Variants in ITPA observed in about 807,000 individuals in gnomAD.
The protein encoded by ITPA is inosine triphosphate pyrophosphatase.
In ITPA, 29 loss-of-function variants were observed where a neutral mutation model predicts 29.6. The observed-to-expected ratio is 0.98, with a 90% confidence interval of 0.73 to 1.34. The LOEUF (loss-of-function observed/expected upper bound fraction) is 1.34, where lower values mean the gene tolerates loss of function less well. Ranked by LOEUF, ITPA falls within the 40% of genes most tolerant of loss-of-function variation. ITPA has a pLI of 0.00. For missense variants in ITPA, 241 were observed against 251.5 expected (o/e 0.96, Z 0.28); for synonymous variants, 103 against 99.3 (o/e 1.04, Z -0.22).
chr20:3,227,185 C>A (rs1221244387), downstream of ITPA, among the ~76,000 whole-genome samples: 1 of 152,252 alleles, frequency 6.6e-6, no homozygotes, highest in Non-Finnish European at 1.5e-5. Context: ...GACCCTTGCA[C>A]ATGCTGTTCC....
chr20:3,209,507 C>A lies in ITPA; in HGVS notation c.-45C>A, dbSNP rs1463905316. The stretch of plus-strand genomic sequence containing the variant: ...CAGCCGGAAGTTTTCTGTCACTGGA[C>A]GCCAAGGAGTTTTCGGTGGCTCAGC... On this transcript the variant is annotated 5_prime_UTR_variant, in exon 1 of 8. Transcript: ENST00000380113. The surrounding 1 kb of genome is among the most constrained non-coding windows in gnomAD (Gnocchi z 4.6). The A allele has an allele frequency of 6.4e-7, 1 of 1,571,868 alleles. No individual in the cohort carries two copies. Among genetic ancestry groups the A allele is most frequent in the Non-Finnish European group, 8.8e-7 (1 of 1,142,264 alleles).
chr20:3,211,209 A>G (rs1425396431), intron 1 of ITPA, among the ~76,000 whole-genome samples: 1 of 146,146 alleles, frequency 6.8e-6, no homozygotes, highest in Non-Finnish European at 1.5e-5. Flanking sequence ...TCTGTCGCCC[A>G]GGCTGGAGTG....
upstream of ITPA, chr20:3,209,328 G>A: frequency 1.6e-6 from 1 of 625,690 alleles, no homozygotes; most frequent in South Asian, 1.7e-5. This position sits in a 1 kb window ranked among gnomAD's most constrained non-coding sequence, Gnocchi z 4.6. Flanking sequence ...GGAGGGGTGG[G>A]TCACTCAGTC....
intron 6 of ITPA, among the ~76,000 whole-genome samples, chr20:3,221,552 G>A (rs1445340607): frequency 6.9e-6 from 1 of 145,768 alleles, no homozygotes; most frequent in Non-Finnish European, 1.5e-5. Flanking sequence ...GTTCTTCAGT[G>A]ATGTCCCAAT....
chr20:3,218,852 C>G (rs1174901361), intron 6 of ITPA: 101 of 607,102 alleles, frequency 1.7e-4, no homozygotes, highest in Non-Finnish European at 1.9e-4. Context: ...TAGTTGCCTA[C>G]GCCTTGCTGA....
upstream of ITPA, chr20:3,204,689 C>G: frequency 2.0e-6 from 3 of 1,488,592 alleles, no homozygotes; most frequent in Non-Finnish European, 2.7e-6. Flanking sequence ...ATAGGCCCCG[C>G]CCCTATTTCC....
Position 3,221,847 on chromosome 20 carries a change from A to T in ITPA, c.418A>T (p.Ile140Phe), listed in dbSNP as rs1238284373. 6.2e-7 allele frequency: 1 copy of T among 1,613,852 alleles called. No homozygotes were observed. The highest frequency in any genetic ancestry group is 8.5e-7 in the Non-Finnish European group (1 of 1,180,014). The change falls in exon 7 of 8, where the codon ATC becomes TTC. Residue 140 changes from isoleucine to phenylalanine, a missense_variant. Transcript: ENST00000380113. Reference protein sequence around the residue: ...RLFRGRTSGRIVAPRGCQDFG... With the variant: ...RLFRGRTSGRFVAPRGCQDFG... ...CCCCCCTTTCCTGTGGCAGGGCCGG[A>T]TCGTGGCACCCAGAGGCTGCCAGGA...
downstream of ITPA, among the ~76,000 whole-genome samples, chr20:3,224,235 G>A (rs1279632005): frequency 6.6e-6 from 1 of 152,224 alleles, no homozygotes; most frequent in Non-Finnish European, 1.5e-5. Context: ...AGGGGCTGGA[G>A]TCCTCGACCC....
chr20:3,217,987 G>T (rs989266242), intron 5 of ITPA, among the ~76,000 whole-genome samples: 5 of 150,244 alleles, frequency 3.3e-5, no homozygotes, highest in Admixed American at 6.7e-5. Flanking sequence ...GCCCGATCTC[G>T]GCTCACTGCA....
At chr20:3,227,231 C>A (rs1247480200), downstream of ITPA, among the ~76,000 whole-genome samples, 1 of 152,198 alleles carries the variant, frequency 6.6e-6, no homozygotes, top group Admixed American at 6.5e-5. Flanking sequence ...GGAGAAATGG[C>A]CATGCGAAGG....
downstream of ITPA, among the ~76,000 whole-genome samples, chr20:3,225,871 A>G (rs1052586194): frequency 6.6e-6 from 1 of 152,222 alleles, no homozygotes; most frequent in Non-Finnish European, 1.5e-5. Flanking sequence ...TCTACTAAAA[A>G]TACAAAAATT....
At chr20:3,217,187 G>T (rs1175556167) in intron 5 of ITPA, among the ~76,000 whole-genome samples, 1 of 152,110 alleles carries the variant, frequency 6.6e-6, no homozygotes, top group Non-Finnish European at 1.5e-5. Context: ...ATCCTTATGT[G>T]CTTTTAAAAA....
rs770808787 is a variant in ITPA at position 3,213,354 on chromosome 20, A to G, written c.160A>G (p.Ile54Val). 4 of 1,613,970 alleles carry G rather than the reference A, an allele frequency of 2.5e-6. No individual in the cohort carries two copies. Among genetic ancestry groups the G allele is most frequent in the South Asian group, 1.1e-5 (1 of 91,090 alleles). The change falls in exon 3 of 8, where the codon ATA becomes GTA. Residue 54 changes from isoleucine (I) to valine (V), a missense_variant. Physicochemically the swap from Ile to Val is conservative, Grantham distance 29. Transcript: ENST00000380113. ...CCAGGGGGAGCCGGATGAGATTTCCATACAGAAATGTCAGGAGGCAGTTCG... is the reference window on the plus strand; with the variant it reads ...CCAGGGGGAGCCGGATGAGATTTCCGTACAGAAATGTCAGGAGGCAGTTCG... The part of the protein sequence containing the change: ...EYQGEPDEIS[I>V]QKCQEAVRQV...
chr20:3,214,456 T>A (rs2067247283), intron 4 of ITPA, among the ~76,000 whole-genome samples: 1 of 150,566 alleles, frequency 6.6e-6, no homozygotes, highest in Non-Finnish European at 1.5e-5. Context: ...AGTCTCCACC[T>A]GCCAGGCTCA....
chr20:3,211,782 G>A (rs1274051908), intron 1 of ITPA, among the ~76,000 whole-genome samples: 2 of 152,196 alleles, frequency 1.3e-5, no homozygotes, highest in Non-Finnish European at 1.5e-5. Context: ...GTGAGCCACC[G>A]TGCCTGGCCG....
Position 3,221,912 on chromosome 20 carries a change from G to A in ITPA, c.483G>A (p.Glu161=), listed in dbSNP as rs765436989. 3.1e-6 allele frequency: 5 copies of A among 1,613,716 alleles called. No individual in the cohort carries two copies. Among genetic ancestry groups the A allele is most frequent in the Non-Finnish European group, 1.7e-6 (2 of 1,179,990 alleles). The change falls in exon 7 of 8, where the codon GAG becomes GAA. Residue 161 remains glutamate (E), a synonymous_variant. Coordinates refer to ENST00000380113, the MANE Select transcript of ITPA (RefSeq NM_033453.4). Reference sequence around the variant, plus strand: ...CCTGCTTTCAGCCTGATGGATATGAGCAGACGTAAGGAGCCCTGCTTTTCT... The same window carrying A: ...CCTGCTTTCAGCCTGATGGATATGAACAGACGTAAGGAGCCCTGCTTTTCT... ...WDPCFQPDGY[E]QTYAEMPKAE... is the part of the protein sequence containing the mutation.
At chr20:3,215,233 A>C in intron 4 of ITPA, 48 bp from the exon 5 acceptor site, 1 of 1,597,344 alleles carries the variant, frequency 6.3e-7, no homozygotes, top group Non-Finnish European at 8.6e-7. Flanking sequence ...AGGTGGTAAG[A>C]AGATCCAGCT....
Position 3,223,393 on chromosome 20 carries a change from G to T in ITPA, c.516G>T (p.Lys172Asn). The change falls in exon 8 of 8, where the codon AAG becomes AAT. Residue 172 changes from lysine (K) to asparagine (N), a missense_variant. By Grantham distance (94) the Lys-to-Asn change is moderately conservative (BLOSUM62 0). Coordinates refer to ENST00000380113, the MANE Select transcript of ITPA (RefSeq NM_033453.4). ...QTYAEMPKAE[K>N]NAVSHRFRAL... is the part of the protein sequence containing the mutation. Reference sequence around the variant, plus strand: ...ACGCAGAGATGCCTAAGGCGGAGAAGAACGCTGTCTCCCATCGCTTCCGGG... The same window carrying T: ...ACGCAGAGATGCCTAAGGCGGAGAATAACGCTGTCTCCCATCGCTTCCGGG... 6.2e-7 allele frequency: 1 copy of T among 1,613,902 alleles called. No individual in the cohort carries two copies. The highest frequency in any genetic ancestry group is 8.5e-7 in the Non-Finnish European group (1 of 1,180,002).
chr20:3,226,758 G>A (rs1175239575), downstream of ITPA, among the ~76,000 whole-genome samples: 2 of 152,188 alleles, frequency 1.3e-5, no homozygotes, highest in African/African-American at 4.8e-5. This position sits in a 1 kb window ranked among gnomAD's most constrained non-coding sequence, Gnocchi z 4.4. Context: ...AGGAGGTGAT[G>A]TGAGCCCCAG....
Sources: allele counts gnomAD v4.1 joint callset (sites outside exome capture counted in the v4.1 genomes callset), GRCh38; gene constraint gnomAD v4.1.1; non-coding constraint Gnocchi (gnomAD v3.1); transcripts MANE v1.5; gene names NCBI Gene and HGNC (gene_info 2026-07-23, HGNC 2026-07-21).